Variants in DCAF10 observed in about 807,000 individuals in gnomAD.
DCAF10 encodes DDB1- and CUL4-associated factor 10.
A neutral mutation model predicts 51.9 loss-of-function variants in DCAF10; 19 were observed. That is an observed-to-expected ratio of 0.37 (90% CI 0.26 to 0.54). The LOEUF (loss-of-function observed/expected upper bound fraction) is 0.54. DCAF10 is among the 20% of genes least tolerant of loss of function. The pLI is 0.87. For synonymous variants in DCAF10, 291 were observed against 297.1 expected (o/e 0.98, Z 0.21); for missense variants, 510 against 730.6 (o/e 0.70, Z 3.48).
Position 37,850,846 on chromosome 9 carries a change from A to G in DCAF10, c.852-3934A>G, listed in dbSNP as rs936651633. Among the ~76,000 whole-genome samples the G allele has an allele frequency of 2.2e-3, 75 of 34,832 alleles. 2 individuals are homozygous for G. The highest frequency in any genetic ancestry group is 0.016 in the Admixed American group (69 of 4,306). 22.9% of individuals were successfully genotyped at this position (34,832 alleles called of 152,430 possible). A position where few individuals can be genotyped will look rare whatever the true frequency, so the allele number is the denominator to read the frequency against. On this transcript the variant is annotated intron_variant, in intron 3 of 6. Coordinates refer to ENST00000377724, the MANE Select transcript of DCAF10 (RefSeq NM_024345.5). Reference sequence around the variant, plus strand: ...ATATTTTATATATATATATATATATATATATATATATATATATATATATAT... The same window carrying G: ...ATATTTTATATATATATATATATATGTATATATATATATATATATATATAT...
chr9:37,808,524 T>TAAA (rs1437584838), intron 1 of DCAF10, among the ~76,000 whole-genome samples: 10 of 110,568 alleles, frequency 9.0e-5, no homozygotes, highest in Admixed American at 1.2e-4. Flanking sequence ...ATATAATATA[T>TAAA]TATATAAATA....
intron 3 of DCAF10, among the ~76,000 whole-genome samples, chr9:37,848,616 T>C (rs1312481930): frequency 6.6e-6 from 1 of 152,122 alleles, no homozygotes; most frequent in African/African-American, 2.4e-5. Flanking sequence ...CTTAAGGTGA[T>C]GAAAATGTTC....
At chr9:37,854,061 A>G (rs1046384162) in intron 3 of DCAF10, among the ~76,000 whole-genome samples, 8 of 151,992 alleles carry the variant, frequency 5.3e-5, no homozygotes, top group Admixed American at 5.2e-4. Context: ...TAAAAAGTAA[A>G]ATTTATTGGA....
At position 37,861,597 on chromosome 9, in the gene DCAF10, T is replaced by C; in HGVS notation, c.*89T>C. 6.6e-7 allele frequency: 1 copy of C among 1,512,340 alleles called. No individual in the cohort carries two copies. Among genetic ancestry groups the C allele is most frequent in the Non-Finnish European group, 8.8e-7 (1 of 1,133,110 alleles). 93.7% of individuals were successfully genotyped at this position (1,512,340 alleles called of 1,614,324 possible). A position where few individuals can be genotyped will look rare whatever the true frequency, so the allele number is the denominator to read the frequency against. On this transcript the variant is annotated 3_prime_UTR_variant, in exon 7 of 7. Transcript: ENST00000377724. This position sits in a 1 kb window ranked among gnomAD's most constrained non-coding sequence, Gnocchi z 4.9. Reference sequence around the variant, plus strand: ...TGAAGTATTTTCTTTTTAGAAGATCTTATAAGTTTGGGTCAAGATCCTGGT... The same window carrying C: ...TGAAGTATTTTCTTTTTAGAAGATCCTATAAGTTTGGGTCAAGATCCTGGT...
At chr9:37,800,702 G>C (rs1705324292), upstream of DCAF10, 2 of 1,535,778 alleles carry the variant, frequency 1.3e-6, no homozygotes, top group Admixed American at 3.9e-5. Flanking sequence ...CAAACCCGGC[G>C]GTGTCTCAGC....
At chr9:37,852,967 A>ATATATATATAT (rs1830724468) in intron 3 of DCAF10, among the ~76,000 whole-genome samples, 4 of 82,744 alleles carry the variant, frequency 4.8e-5, no homozygotes, top group Non-Finnish European at 1.1e-4. Context: ...TATATATATA[A>ATATATATATAT]ATTAGCTTGA....
rs17849765 is a variant in DCAF10, at chr9:37,854,924, G to C, written c.996G>C (p.Lys332Asn). 6.2e-7 allele frequency: 1 copy of C among 1,613,972 alleles called. No individual in the cohort carries two copies. Among genetic ancestry groups the C allele is most frequent in the Non-Finnish European group, 8.5e-7 (1 of 1,179,962 alleles). Residue 332 changes from lysine to asparagine, a missense_variant, in exon 4 of 7, where the codon AAG (lysine) becomes AAC (asparagine). Around this residue, in one of 4 missense-constraint regions of DCAF10, gnomAD observed 126 missense variants for 271.5 expected, o/e 0.46. Coordinates refer to ENST00000377724, the MANE Select transcript of DCAF10 (RefSeq NM_024345.5). ...TTTTGCATGACCTTGACTTAACTAA[G>C]TCTTTAGAAGTAGGCAGCTATCCCA... The part of the protein sequence containing the change: ...LLILHDLDLT[K>N]SLEVGSYPIL...
chr9:37,850,860 ATATATATATATATATATATAT>A (rs1428009797), intron 3 of DCAF10, among the ~76,000 whole-genome samples: 10 of 109,542 alleles, frequency 9.1e-5, no homozygotes, highest in Non-Finnish European at 1.6e-4. Context: ...ATATATATAT[ATATATATATATATATATATAT>A]AAATTAGCTT....
At chr9:37,824,041 C>T (rs1341344270) in intron 2 of DCAF10, among the ~76,000 whole-genome samples, 1 of 151,900 alleles carries the variant, frequency 6.6e-6, no homozygotes, top group Non-Finnish European at 1.5e-5. Context: ...CCACCACACT[C>T]AGCTAATTTT....
rs1332721363 is a variant in DCAF10, at chr9:37,867,234, A to G, written c.*5726A>G. 1 of 152,148 alleles carries G rather than the reference A, an allele frequency of 6.6e-6. No homozygotes were observed. The highest frequency in any genetic ancestry group is 1.9e-4 in the East Asian group (1 of 5,200). 9.4% of individuals were successfully genotyped at this position (152,148 alleles called of 1,614,324 possible). A position where few individuals can be genotyped will look rare whatever the true frequency, so the allele number is the denominator to read the frequency against. ...ACATTCACCTCCTATATGTATGTGT[A>G]TATATAAATGCCACTATAAATGAAA... On this transcript the variant is annotated 3_prime_UTR_variant, in exon 7 of 7. Coordinates refer to ENST00000377724, the MANE Select transcript of DCAF10 (RefSeq NM_024345.5).
chr9:37,842,050 G>T (rs1167694672), intron 2 of DCAF10, 39 bp from the exon 3 acceptor site: 1 of 1,574,832 alleles, frequency 6.3e-7, no homozygotes, highest in Non-Finnish European at 8.6e-7. Context: ...TTTAAAAAGA[G>T]ATTAAATGAA....
At position 37,854,843 on chromosome 9, in the gene DCAF10, G is replaced by A. The variant is rs1449444955; in HGVS notation, c.915G>A (p.Arg305=). The change falls in exon 4 of 7, where the codon AGG becomes AGA. Residue 305 remains arginine, a synonymous_variant. Coordinates refer to ENST00000377724, the MANE Select transcript of DCAF10 (RefSeq NM_024345.5). ...FFHTRFLMRM[R]LTPDCSKMLI... ...ACACACGTTTTCTCATGCGAATGAGGTTAACACCAGATTGTTCCAAAATGT... is the reference window on the plus strand; with the variant it reads ...ACACACGTTTTCTCATGCGAATGAGATTAACACCAGATTGTTCCAAAATGT... 2 of 1,614,030 alleles carry A rather than the reference G, an allele frequency of 1.2e-6. No individual in the cohort carries two copies. Among genetic ancestry groups the A allele is most frequent in the Non-Finnish European group, 1.7e-6 (2 of 1,179,994 alleles).
At chr9:37,805,946 G>A (rs1265335685) in intron 1 of DCAF10, among the ~76,000 whole-genome samples, 1 of 152,024 alleles carries the variant, frequency 6.6e-6, no homozygotes, top group Non-Finnish European at 1.5e-5. Context: ...TTAGCTGGTT[G>A]TGGTGACGTG....
chr9:37,807,337 AT>A (rs887722334), intron 1 of DCAF10, among the ~76,000 whole-genome samples: 1 of 151,958 alleles, frequency 6.6e-6, no homozygotes, highest in African/African-American at 2.4e-5. Flanking sequence ...AAAAAGTGTG[AT>A]TTTTTTTAAC....
intron 2 of DCAF10, among the ~76,000 whole-genome samples, chr9:37,826,820 C>CTTTTT (rs397893920): frequency 4.8e-5 from 6 of 123,818 alleles, no homozygotes; most frequent in African/African-American, 6.1e-5. Flanking sequence ...ACCACAATAC[C>CTTTTT]TTTTTTTTTT....
intron 1 of DCAF10, among the ~76,000 whole-genome samples, chr9:37,807,287 T>C (rs185171869): frequency 1.4e-3 from 219 of 152,244 alleles, no homozygotes; most frequent in African/African-American, 5.1e-3. Context: ...CAAGACCAGC[T>C]GGGGCAACAT....
intron 2 of DCAF10, chr9:37,836,419 T>C (rs1830166428): frequency 6.4e-7 from 1 of 1,568,446 alleles, no homozygotes; most frequent in African/African-American, 1.4e-5. Flanking sequence ...GAGGCCATTT[T>C]TGCCTGAATT....
At chr9:37,804,793 G>C (rs1258162476) in intron 1 of DCAF10, among the ~76,000 whole-genome samples, 1 of 151,276 alleles carries the variant, frequency 6.6e-6, no homozygotes, top group Non-Finnish European at 1.5e-5. Flanking sequence ...AAAAAGTAGA[G>C]AAAAAAGGCC....
At chr9:37,828,516 G>A (rs1197940536) in intron 2 of DCAF10, among the ~76,000 whole-genome samples, 1 of 152,114 alleles carries the variant, frequency 6.6e-6, no homozygotes, top group Non-Finnish European at 1.5e-5. Context: ...TCATAAAGAA[G>A]TTGATTCTCC....
Sources: gnomAD v4.1 joint callset for allele counts (sites outside exome capture counted in the v4.1 genomes callset) on GRCh38, gnomAD v4.1.1 for gene constraint, gnomAD v4.1.1 regional missense constraint, Gnocchi (gnomAD v3.1) non-coding constraint, MANE v1.5 for transcripts, NCBI Gene and HGNC (gene_info 2026-07-23, HGNC 2026-07-21) for gene names.